The following ZFYVE9 variants were observed in gnomAD, a reference collection of about 807,000 sequenced individuals.
ZFYVE9 encodes zinc finger FYVE domain-containing protein 9.
A neutral mutation model predicts 126.7 loss-of-function variants in ZFYVE9; 43 were observed. That is an observed-to-expected ratio of 0.34 (90% confidence interval 0.27 to 0.44). The LOEUF (loss-of-function observed/expected upper bound fraction) is 0.44. ZFYVE9 is among the 20% of genes least tolerant of loss of function. The pLI is 1.00. For missense variants in ZFYVE9, 1,476 were observed against 1,697.0 expected, an observed-to-expected ratio of 0.87 and a Z score of 2.29; for synonymous variants, 521 against 597.4, an observed-to-expected ratio of 0.87 and a Z score of 1.87.
chr1:52,157,913 T>G (rs992785034), intron 1 of ZFYVE9, among the ~76,000 whole-genome samples: 11 of 152,180 alleles, frequency 7.2e-5, no homozygotes, highest in African/African-American at 2.7e-4. Flanking sequence ...CTCCCCAGTA[T>G]ATTCCTGATA....
rs1442019448 is a variant in ZFYVE9, at chr1:52,301,458, A to G, written c.3334-2363A>G. On this transcript the variant is annotated intron_variant, in intron 12 of 18. Transcript: ENST00000287727. The stretch of plus-strand genomic sequence containing the variant: ...GCTGGGACTACAGGTACGTGCCGCT[A>G]TGCCCAGCTAATTTTGTTTATTTTT... Among the ~76,000 whole-genome samples the G allele has an allele frequency of 2.0e-5, 3 of 151,786 alleles. No individual in the cohort carries two copies. The East Asian group carries it at 5.8e-4, about 29-fold the overall frequency.
At chr1:52,234,146 A>G (rs1348890779) in intron 3 of ZFYVE9, among the ~76,000 whole-genome samples, 6 of 152,326 alleles carry the variant, frequency 3.9e-5, no homozygotes, top group African/African-American at 1.4e-4. Flanking sequence ...TTGAGTGGGT[A>G]AGCCATAATT....
At chr1:52,221,679 G>A (rs1032559505) in intron 2 of ZFYVE9, among the ~76,000 whole-genome samples, 5 of 152,102 alleles carry the variant, frequency 3.3e-5, no homozygotes, top group East Asian at 1.9e-4. Context: ...GGAAGGCTAC[G>A]GGCCATTGGT....
chr1:52,329,964 A>G (rs576822513), intron 13 of ZFYVE9, among the ~76,000 whole-genome samples: 1 of 152,248 alleles, frequency 6.6e-6, no homozygotes, highest in Admixed American at 6.5e-5. Context: ...CAAAGTGGGT[A>G]TGTGCCTGTA....
chr1:52,344,799 A>G lies in ZFYVE9; in HGVS notation c.3971A>G (p.Asn1324Ser), dbSNP rs543854874. The change falls in exon 18 of 19, where the codon AAT (asparagine) becomes AGT (serine). Residue 1324 changes from asparagine (N) to serine (S), a missense_variant. Around this residue, in one of 2 missense-constraint regions of ZFYVE9, gnomAD observed 669 missense variants for 902.4 expected, o/e 0.74. Transcript: ENST00000287727. ...VFFLENDDQHNCLSDPADHSR... is the reference protein window; with the variant it reads ...VFFLENDDQHSCLSDPADHSR... ...TTCCTAGAAAACGATGACCAGCACAATTGCCTCAGTGATCCTGCAGATCAC... is the reference window on the plus strand; with the variant it reads ...TTCCTAGAAAACGATGACCAGCACAGTTGCCTCAGTGATCCTGCAGATCAC... 1.9e-4 allele frequency: 312 copies of G among 1,614,082 alleles called. 3 individuals carry two copies. In the South Asian group the frequency reaches 3.1e-3, roughly 16 times the overall value.
intron 10 of ZFYVE9, among the ~76,000 whole-genome samples, chr1:52,283,123 T>C (rs146161170): frequency 8.3e-4 from 127 of 152,276 alleles, no homozygotes; most frequent in African/African-American, 2.7e-3. Flanking sequence ...ATCCAGGTCC[T>C]CCAGGCCACA....
At chr1:52,154,137 A>G (rs1644381028) in intron 1 of ZFYVE9, among the ~76,000 whole-genome samples, 1 of 152,150 alleles carries the variant, frequency 6.6e-6, no homozygotes, top group South Asian at 2.1e-4. Flanking sequence ...ATGTCTGTTG[A>G]TTAAGTGCTG....
chr1:52,307,194 A>G (rs1025206904), intron 13 of ZFYVE9, among the ~76,000 whole-genome samples: 5 of 152,158 alleles, frequency 3.3e-5, no homozygotes, highest in Non-Finnish European at 7.4e-5. Context: ...TTGTACAAGT[A>G]TATCTGTAAA....
intron 9 of ZFYVE9, among the ~76,000 whole-genome samples, chr1:52,279,241 A>G (rs1196613147): frequency 6.6e-6 from 1 of 152,158 alleles, no homozygotes; most frequent in Non-Finnish European, 1.5e-5. Context: ...TTAAATCACA[A>G]CTTACCACCA....
At chr1:52,144,067 G>C (rs916374979) in intron 1 of ZFYVE9, among the ~76,000 whole-genome samples, 1 of 152,284 alleles carries the variant, frequency 6.6e-6, no homozygotes, top group African/African-American at 2.4e-5. Flanking sequence ...CTTGGGCAAC[G>C]TAAGCAAGAT....
At chr1:52,211,718 C>A (rs1468106403) in intron 1 of ZFYVE9, among the ~76,000 whole-genome samples, 1 of 152,198 alleles carries the variant, frequency 6.6e-6, no homozygotes, top group Non-Finnish European at 1.5e-5. Context: ...TGGTCAGATA[C>A]TGAATTTGTT....
intron 15 of ZFYVE9, chr1:52,335,247 A>G (rs1180495936): frequency 1.3e-5 from 2 of 153,962 alleles, no homozygotes; most frequent in African/African-American, 4.8e-5. Context: ...TTGTGTTTTG[A>G]TTTTGCTACT....
intron 4 of ZFYVE9, among the ~76,000 whole-genome samples, chr1:52,246,724 A>T (rs1321546101): frequency 5.0e-5 from 5 of 100,292 alleles, no homozygotes; most frequent in African/African-American, 8.0e-5. Context: ...TTTTTTTGAG[A>T]TGGAGTTTCA....
At chr1:52,206,580 G>T (rs1030692298) in intron 1 of ZFYVE9, among the ~76,000 whole-genome samples, 1 of 152,030 alleles carries the variant, frequency 6.6e-6, no homozygotes, top group Non-Finnish European at 1.5e-5. Flanking sequence ...CAGTCTCGTG[G>T]TGTCACCCAG....
intron 1 of ZFYVE9, among the ~76,000 whole-genome samples, chr1:52,158,856 G>T (rs1644428046): frequency 1.3e-5 from 2 of 150,644 alleles, no homozygotes; most frequent in Admixed American, 1.3e-4. Context: ...GCAGTGGCAC[G>T]ATCTTGGCTC....
At chr1:52,292,294 A>C (rs1446124195) in intron 10 of ZFYVE9, among the ~76,000 whole-genome samples, 4 of 151,402 alleles carry the variant, frequency 2.6e-5, no homozygotes, top group Admixed American at 2.0e-4. Flanking sequence ...AAAAAAAAAA[A>C]AAAACAAAAC....
At chr1:52,202,111 C>T (rs1015640301) in intron 1 of ZFYVE9, among the ~76,000 whole-genome samples, 2 of 152,148 alleles carry the variant, frequency 1.3e-5, no homozygotes, top group African/African-American at 4.8e-5. Context: ...TAATCTCCTT[C>T]ACTTTTGAAG....
At chr1:52,236,357 C>T (rs2124626524) in intron 3 of ZFYVE9, among the ~76,000 whole-genome samples, 1 of 152,248 alleles carries the variant, frequency 6.6e-6, no homozygotes, top group South Asian at 2.1e-4. Context: ...TAAACTATTG[C>T]ATTTCAGTGT....
intron 2 of ZFYVE9, among the ~76,000 whole-genome samples, chr1:52,218,857 C>T (rs1334349769): frequency 6.6e-6 from 1 of 152,022 alleles, no homozygotes; most frequent in Non-Finnish European, 1.5e-5. Context: ...TCAAAGATGC[C>T]TGTAGGGTCT....
Sources: gnomAD v4.1 joint callset for allele counts (sites outside exome capture counted in the v4.1 genomes callset) on GRCh38, gnomAD v4.1.1 for gene constraint, gnomAD v4.1.1 regional missense constraint, MANE v1.5 for transcripts, NCBI Gene and HGNC (gene_info 2026-07-23, HGNC 2026-07-21) for gene names.